PTPRK: variants seen among roughly 807,000 people sequenced by gnomAD.
The protein encoded by PTPRK is receptor-type tyrosine-protein phosphatase kappa.
In PTPRK, 75 loss-of-function variants were observed where a neutral mutation model predicts 178.0. The observed-to-expected ratio is 0.42, with a 90% confidence interval of 0.35 to 0.51. The LOEUF is 0.51. PTPRK is among the 20% of genes least tolerant of loss of function. PTPRK has a pLI of 0.02. For missense variants in PTPRK, 1,441 were observed against 1,797.8 expected, an observed-to-expected ratio of 0.80 and a Z score of 3.59; for synonymous variants, 637 against 620.6, an observed-to-expected ratio of 1.03 and a Z score of -0.39.
chr6:128,057,083 T>C (rs1352272395), intron 13 of PTPRK, among the ~76,000 whole-genome samples: 41 of 152,202 alleles, frequency 2.7e-4, no homozygotes, highest in Admixed American at 2.7e-3. Context: ...ACTCATTATC[T>C]AAAGGAAGTC....
In PTPRK at chr6:128,089,817, G is replaced by T. The variant is rs1464167376; in HGVS notation, c.1338C>A (p.Asp446Glu). The part of the protein sequence containing the change: ...NESKADCLDM[D>E]PKAPQHVVNH... ...TCACAACATGCTGAGGGGCTTTGGGGTCCATGTCCAAACAGTCTGCCTTGC... is the reference window on the plus strand; with the variant it reads ...TCACAACATGCTGAGGGGCTTTGGGTTCCATGTCCAAACAGTCTGCCTTGC... Residue 446 changes from aspartate to glutamate, a missense_variant, in exon 8 of 30, where the codon GAC becomes GAA. By Grantham distance (45) the Asp-to-Glu change is conservative. Around this residue, in one of 4 missense-constraint regions of PTPRK, gnomAD observed 945 missense variants for 1,080.6 expected, o/e 0.87. Coordinates refer to ENST00000368226, the MANE Select transcript of PTPRK (RefSeq NM_002844.4). 6.2e-7 allele frequency: 1 copy of T among 1,614,010 alleles called. No homozygotes were observed. Among genetic ancestry groups the T allele is most frequent in the Non-Finnish European group, 8.5e-7 (1 of 1,179,906 alleles).
chr6:128,149,754 T>G (rs1797003093), intron 7 of PTPRK, among the ~76,000 whole-genome samples: 1 of 152,204 alleles, frequency 6.6e-6, no homozygotes, highest in East Asian at 1.9e-4. Context: ...TTTTGATATA[T>G]GGAAGCCCAT....
chr6:128,337,403 A>G (rs900815581), intron 2 of PTPRK, among the ~76,000 whole-genome samples: 1 of 152,208 alleles, frequency 6.6e-6, no homozygotes, highest in African/African-American at 2.4e-5. Flanking sequence ...CTCCAGTGAG[A>G]AAGTTACTGA....
At chr6:128,082,749 A>G (rs947164129) in intron 9 of PTPRK, 111 bp from the exon 10 acceptor site, 8 of 732,974 alleles carry the variant, frequency 1.1e-5, no homozygotes, top group Non-Finnish European at 1.7e-5. Context: ...AGTCAATGGT[A>G]ATTTTTTTCT....
chr6:128,144,148 T>A (rs570111659), intron 7 of PTPRK, among the ~76,000 whole-genome samples: 1 of 152,118 alleles, frequency 6.6e-6, no homozygotes, highest in African/African-American at 2.4e-5. Context: ...CTCACCCAGG[T>A]GGCCCTCTTC....
chr6:128,178,656 CATCT>C (rs71028114), intron 7 of PTPRK, among the ~76,000 whole-genome samples: 29,162 of 145,962 alleles, frequency 0.2, 2,902 homozygotes, highest in Non-Finnish European at 0.21. Context: ...GTAGAGAAGA[CATCT>C]ATCTATCTAT....
intron 1 of PTPRK, among the ~76,000 whole-genome samples, chr6:128,411,429 CAGAG>C (rs920846744): frequency 6.6e-6 from 1 of 152,128 alleles, no homozygotes; most frequent in African/African-American, 2.4e-5. Context: ...CATCTTTTCC[CAGAG>C]AGAAAGTAGG....
intron 2 of PTPRK, among the ~76,000 whole-genome samples, chr6:128,335,906 A>T (rs1830861086): frequency 6.6e-6 from 1 of 152,144 alleles, no homozygotes; most frequent in Non-Finnish European, 1.5e-5. Context: ...ATCATATCCC[A>T]GGTCTCTGGG....
intron 7 of PTPRK, among the ~76,000 whole-genome samples, chr6:128,121,566 T>TA (rs980241767): frequency 2.0e-5 from 3 of 152,014 alleles, no homozygotes; most frequent in African/African-American, 7.2e-5. Flanking sequence ...GAAACATAAG[T>TA]ACAAACTTAT....
chr6:128,440,031 C>A (rs1224619502), intron 1 of PTPRK, among the ~76,000 whole-genome samples: 1 of 152,130 alleles, frequency 6.6e-6, no homozygotes, highest in African/African-American at 2.4e-5. Context: ...GTTTTTCAAC[C>A]AAACCAGAGA....
At chr6:128,430,492 T>A (rs1488720146) in intron 1 of PTPRK, among the ~76,000 whole-genome samples, 2 of 152,194 alleles carry the variant, frequency 1.3e-5, no homozygotes, top group Non-Finnish European at 2.9e-5. Flanking sequence ...TCAGAGAGTA[T>A]ACTAAGTACT....
intron 2 of PTPRK, among the ~76,000 whole-genome samples, chr6:128,362,996 G>A (rs965679721): frequency 1.7e-4 from 26 of 152,006 alleles, no homozygotes; most frequent in Non-Finnish European, 2.8e-4. Flanking sequence ...GAGAAGCCAC[G>A]GTAGGAAGAA....
intron 8 of PTPRK, among the ~76,000 whole-genome samples, chr6:128,088,051 A>G (rs531461902): frequency 7.2e-5 from 11 of 152,350 alleles, no homozygotes; most frequent in East Asian, 1.9e-4. Flanking sequence ...ATACGTGGTT[A>G]TAAAAAACAT....
intron 1 of PTPRK, among the ~76,000 whole-genome samples, chr6:128,413,203 C>G (rs1282537305): frequency 3.3e-5 from 5 of 152,076 alleles, no homozygotes. Flanking sequence ...CTACAGAGTT[C>G]AAAGCAATCC....
At chr6:128,456,760 C>A (rs1848445014) in intron 1 of PTPRK, among the ~76,000 whole-genome samples, 1 of 152,032 alleles carries the variant, frequency 6.6e-6, no homozygotes, top group Admixed American at 6.6e-5. Context: ...AGATGAGATT[C>A]AAAGTTTTAC....
chr6:128,291,830 C>T (rs900905420), intron 3 of PTPRK, among the ~76,000 whole-genome samples: 1 of 152,212 alleles, frequency 6.6e-6, no homozygotes, highest in East Asian at 1.9e-4. Context: ...TACAGTCATC[C>T]CTGTTCACAT....
chr6:128,423,241 T>C (rs969064074), intron 1 of PTPRK, among the ~76,000 whole-genome samples: 1 of 152,226 alleles, frequency 6.6e-6, no homozygotes, highest in African/African-American at 2.4e-5. Flanking sequence ...AGGACTTTTT[T>C]TGAGAAGAAG....
chr6:128,350,992 T>C (rs1423580956), intron 2 of PTPRK, among the ~76,000 whole-genome samples: 1 of 152,204 alleles, frequency 6.6e-6, no homozygotes, highest in African/African-American at 2.4e-5. Context: ...GTATGTCTGA[T>C]ACTTCGCTAG....
In PTPRK at chr6:128,313,416, T is replaced by C. The variant is rs541108152; in HGVS notation, c.495+8623A>G. Among the ~76,000 whole-genome samples the C allele has an allele frequency of 2.0e-5, 3 of 152,194 alleles. No individual in the cohort carries two copies. In the South Asian group the frequency reaches 6.2e-4, roughly 32 times the overall value. On this transcript the variant is annotated intron_variant, in intron 3 of 29. Transcript: ENST00000368226. ...AAATACATATAACAAGCAAAATGTCTAATAAGCAATACAGGCAACACACGT... is the reference window on the plus strand; with the variant it reads ...AAATACATATAACAAGCAAAATGTCCAATAAGCAATACAGGCAACACACGT...
Sources: allele counts gnomAD v4.1 joint callset (sites outside exome capture counted in the v4.1 genomes callset), GRCh38; gene constraint gnomAD v4.1.1; regional missense constraint gnomAD v4.1.1; transcripts MANE v1.5; gene names NCBI Gene and HGNC (gene_info 2026-07-23, HGNC 2026-07-21).